Variants in MDH1B observed in about 807,000 individuals in gnomAD.
The protein encoded by MDH1B is putative malate dehydrogenase 1B.
MDH1B carries 60 observed loss-of-function variants against 61.4 expected under a neutral mutation model. The observed-to-expected ratio is 0.98, with a 90% CI of 0.79 to 1.21. MDH1B has a LOEUF of 1.21. Among genes scored for constraint, MDH1B ranks in the 50% most tolerant of loss-of-function variants. The probability of loss-of-function intolerance (pLI) is 0.00; values close to 1 mark genes in which losing one functional copy is unlikely to be tolerated. For missense variants in MDH1B, 587 were observed against 632.1 expected, an observed-to-expected ratio of 0.93 and a Z score of 0.76; for synonymous variants, 236 against 218.7, an observed-to-expected ratio of 1.08 and a Z score of -0.70.
chr2:206,741,253 A>G, intron 9 of MDH1B, 149 bp from the exon 10 acceptor site: 1 of 953,708 alleles, frequency 1.0e-6, no homozygotes, highest in South Asian at 1.6e-5. Context: ...TCCAATGTGT[A>G]CATTTGTGTA....
intron 9 of MDH1B, among the ~76,000 whole-genome samples, chr2:206,744,830 C>G (rs1164718741): frequency 6.6e-6 from 1 of 152,068 alleles, no homozygotes; most frequent in African/African-American, 2.4e-5. Context: ...GAGGCTGAGA[C>G]AGGAGAATCG....
At position 206,757,066 on chromosome 2, in the gene MDH1B, A is replaced by C. The variant is rs764324183; in HGVS notation, c.271-26T>G. ...CTAAATATTGGGAGAGAAAAAGTCA[A>C]TATCAGAGAATAGATAACTAGTTGA... On this transcript the variant is annotated intron_variant, in intron 3 of 11. Coordinates refer to ENST00000374412, the MANE Select transcript of MDH1B (RefSeq NM_001039845.3). The C allele has an allele frequency of 1.0e-5, 16 of 1,603,264 alleles. No homozygotes were observed. In the East Asian group the frequency reaches 3.6e-4, roughly 36 times the overall value.
At chr2:206,739,259 A>G (rs112283048) in intron 11 of MDH1B, among the ~76,000 whole-genome samples, 495 of 152,192 alleles carry the variant, frequency 3.3e-3, no homozygotes, top group African/African-American at 0.011. Flanking sequence ...TACAAAAAAA[A>G]TTAAAAATTA....
chr2:206,757,875 A>T (rs1688854368), intron 2 of MDH1B, among the ~76,000 whole-genome samples: 1 of 152,210 alleles, frequency 6.6e-6, no homozygotes, highest in African/African-American at 2.4e-5. Context: ...AATTTAAATT[A>T]TCATTATCTG....
chr2:206,740,658 G>C (rs1315741900), intron 10 of MDH1B, among the ~76,000 whole-genome samples: 3 of 152,136 alleles, frequency 2.0e-5, no homozygotes, highest in Non-Finnish European at 4.4e-5. Context: ...GATTTTCCCT[G>C]TTAAGGAGAA....
At chr2:206,762,959 C>G (rs1016842649) in intron 1 of MDH1B, among the ~76,000 whole-genome samples, 4 of 152,114 alleles carry the variant, frequency 2.6e-5, no homozygotes, top group Non-Finnish European at 5.9e-5. Context: ...TGAGAAGCAT[C>G]TTGTCTTTAT....
In MDH1B at chr2:206,755,315, C is replaced by G; in HGVS notation, c.604G>C (p.Glu202Gln). The G allele has an allele frequency of 2.5e-6, 4 of 1,614,210 alleles. No individual in the cohort carries two copies. The highest frequency in any genetic ancestry group is 3.4e-6 in the Non-Finnish European group (4 of 1,180,038). Reference protein sequence around the residue: ...LRSVSICTKVEEAFRQAHVIV... With the variant: ...LRSVSICTKVQEAFRQAHVIV... ...ACGTGGGCCTGGCGGAAGGCCTCCT[C>G]CACCTTCGTGCAGATGGAGACACTG... Residue 202 changes from glutamate (E) to glutamine (Q), a missense_variant, in exon 5 of 12, where the codon GAG (glutamate) becomes CAG (glutamine). Coordinates refer to ENST00000374412, the MANE Select transcript of MDH1B (RefSeq NM_001039845.3).
Position 206,758,114 on chromosome 2 carries a change from C to T in MDH1B, c.136-743G>A, listed in dbSNP as rs182766078. ...CAATGCTGCTATGAGGATTCCAACA[C>T]GGTCCCTCTAGCCACAGCATAGCCA... On this transcript the variant is annotated intron_variant, in intron 2 of 11. Transcript: ENST00000374412. Among the ~76,000 whole-genome samples, 9 of 152,302 alleles carry T rather than the reference C, an allele frequency of 5.9e-5. No homozygotes were observed. The East Asian group carries it at 1.2e-3, about 20-fold the overall frequency.
chr2:206,748,873 T>C (rs746447977), intron 7 of MDH1B, 147 bp downstream of exon 7: 9 of 616,738 alleles, frequency 1.5e-5, no homozygotes, highest in Non-Finnish European at 2.5e-5. Flanking sequence ...AATGAGTAAT[T>C]GAATGAATGA....
chr2:206,755,794 A>AT, intron 4 of MDH1B, among the ~76,000 whole-genome samples: 1 of 152,108 alleles, frequency 6.6e-6, no homozygotes, highest in South Asian at 2.1e-4. Flanking sequence ...AAATCAAAAT[A>AT]AAAAAACTAT....
At chr2:206,742,975 A>G (rs1410568644) in intron 9 of MDH1B, among the ~76,000 whole-genome samples, 1 of 152,138 alleles carries the variant, frequency 6.6e-6, no homozygotes, top group Admixed American at 6.5e-5. Flanking sequence ...TCGGCCTCCC[A>G]AAGTGCTGGG....
rs921512386 is a variant in MDH1B at position 206,754,285 on chromosome 2, C to G, written c.910+724G>C. Among the ~76,000 whole-genome samples, 4 of 152,180 alleles carry G rather than the reference C, an allele frequency of 2.6e-5. No individual in the cohort carries two copies. In the East Asian group the frequency reaches 7.7e-4, roughly 29 times the overall value. ...CATCTCCTTCCCTTCTCAATGGACA[C>G]TGTTGCACCTGCTCCATCTAAGGGC... On this transcript the variant is annotated intron_variant, in intron 5 of 11. Coordinates refer to ENST00000374412, the MANE Select transcript of MDH1B (RefSeq NM_001039845.3).
chr2:206,741,340 C>T, intron 9 of MDH1B: 1 of 580,248 alleles, frequency 1.7e-6, no homozygotes, highest in Non-Finnish European at 3.1e-6. Flanking sequence ...CGAGTGCCAA[C>T]TTGATTGGAT....
intron 2 of MDH1B, among the ~76,000 whole-genome samples, chr2:206,760,631 G>A (rs1374907501): frequency 1.3e-5 from 2 of 152,242 alleles, no homozygotes; most frequent in Middle Eastern, 3.4e-3. Flanking sequence ...GTTAACAAGT[G>A]CAGTGTAAGC....
chr2:206,746,256 G>A (rs746450675), intron 8 of MDH1B, 31 bp downstream of exon 8: 55 of 1,596,278 alleles, frequency 3.4e-5, no homozygotes, highest in Non-Finnish European at 4.7e-5. Context: ...CATTATCAAG[G>A]TCAGTCCCCT....
chr2:206,748,852 T>C (rs1255825632), intron 7 of MDH1B, among the ~76,000 whole-genome samples, 168 bp downstream of exon 7: 1 of 152,262 alleles, frequency 6.6e-6, no homozygotes, highest in Non-Finnish European at 1.5e-5. Context: ...CAAAATATTG[T>C]TGACTTTCTG....
At chr2:206,745,595 A>G (rs781526967) in intron 9 of MDH1B, 27 bp downstream of exon 9, 19 of 1,558,580 alleles carry the variant, frequency 1.2e-5, no homozygotes, top group Non-Finnish European at 1.6e-5. Context: ...ATAGCAGTCC[A>G]ATAAAACATC....
At position 206,751,176 on chromosome 2, in the gene MDH1B, T is replaced by C. The variant is rs536307034; in HGVS notation, c.911-101A>G. 1,406 of 767,656 alleles carry C rather than the reference T, an allele frequency of 1.8e-3. 6 individuals carry two copies. Among genetic ancestry groups the C allele is most frequent in the Non-Finnish European group, 2.7e-3 (1,336 of 502,770 alleles). The allele number at this position is 767,656 out of a possible 1,614,324, so 47.6% of individuals were successfully genotyped here. On this transcript the variant is annotated intron_variant, in intron 5 of 11. Transcript: ENST00000374412. ...GTTTGCGTGCATGTTTGTTTTAGGA[T>C]TGGTCTTTTTGGTATAAAATGAATC...
At chr2:206,745,542 T>G in intron 9 of MDH1B, 80 bp downstream of exon 9, 1 of 1,041,256 alleles carries the variant, frequency 9.6e-7, no homozygotes, top group Non-Finnish European at 1.5e-6. Flanking sequence ...GTTATTCATA[T>G]TAACAGTGAT....
Sources: allele counts gnomAD v4.1 joint callset (sites outside exome capture counted in the v4.1 genomes callset), GRCh38; gene constraint gnomAD v4.1.1; transcripts MANE v1.5; gene names NCBI Gene and HGNC (gene_info 2026-07-23, HGNC 2026-07-21).